TSPY2: variants seen among roughly 807,000 people sequenced by gnomAD.
TSPY2 encodes testis-specific Y-encoded protein 2.
Position 6,246,296 on chromosome Y carries a change from C to T in TSPY2, c.28C>T (p.Arg10Trp), listed in dbSNP as rs762333216. 6 of 393,576 alleles carry T rather than the reference C, an allele frequency of 1.5e-5. No individual in the cohort carries two copies. Among genetic ancestry groups the T allele is most frequent in the Admixed American group, 7.4e-5 (1 of 13,469 alleles). The stretch of plus-strand genomic sequence containing the variant: ...GCGCCCTGAGGGCTCGCTGACCTAC[C>T]GGGTGCCAGAGAGGCTGCGGCAGGG... MRPEGSLTY[R>W]VPERLRQGSC... The change falls in exon 1 of 6, where the codon CGG (arginine) becomes TGG (tryptophan). Residue 10 changes from arginine to tryptophan, a missense_variant. By Grantham distance (101) the Arg-to-Trp change is moderately radical. Transcript: ENST00000320701.
chrY:6,246,314 C>T lies in TSPY2; in HGVS notation c.46C>T (p.Arg16Trp), dbSNP rs2053860836. ...SLTYRVPERL[R>W]QGSCGVGRAA... ...GACCTACCGGGTGCCAGAGAGGCTGCGGCAGGGTTCCTGTGGCGTGGGTCG... is the reference window on the plus strand; with the variant it reads ...GACCTACCGGGTGCCAGAGAGGCTGTGGCAGGGTTCCTGTGGCGTGGGTCG... Residue 16 changes from arginine to tryptophan, a missense_variant, in exon 1 of 6, where the codon CGG (arginine) becomes TGG (tryptophan). Transcript: ENST00000320701. The T allele has an allele frequency of 2.5e-6, 1 of 393,219 alleles. No individual in the cohort carries two copies. The highest frequency in any genetic ancestry group is 3.0e-5 in the South Asian group (1 of 33,472).
Position 6,246,257 on chromosome Y carries a change from G to T in TSPY2, c.-12G>T. The T allele has an allele frequency of 2.5e-6, 1 of 392,392 alleles. No homozygotes were observed. ...CGCGCAGTCCCTTAGGGGGCGCCTGGAAGCCCGGCGCATGCGCCCTGAGGG... is the reference window on the plus strand; with the variant it reads ...CGCGCAGTCCCTTAGGGGGCGCCTGTAAGCCCGGCGCATGCGCCCTGAGGG... On this transcript the variant is annotated 5_prime_UTR_variant, in exon 1 of 6. Transcript: ENST00000320701.
intron 2 of TSPY2, 35 bp downstream of exon 2, chrY:6,247,468 C>CG (rs1197192701): frequency 2.6e-6 from 1 of 379,446 alleles, no homozygotes; most frequent in Non-Finnish European, 3.6e-6. Context: ...GAGGGTTTAG[C>CG]GGGGGAGGGT....
chrY:6,247,182 T>C, intron 1 of TSPY2, among the ~76,000 whole-genome samples, 174 bp from the exon 2 acceptor site: 1 of 12,735 alleles, frequency 7.9e-5, no homozygotes, highest in African/African-American at 3.3e-4. Context: ...CTCAGAATCA[T>C]ACACCCTCTG....
intron 1 of TSPY2, among the ~76,000 whole-genome samples, chrY:6,247,022 G>A: frequency 7.5e-5 from 1 of 13,300 alleles, no homozygotes; most frequent in Non-Finnish European, 1.6e-4. Flanking sequence ...AGGTTTTTCA[G>A]TGAATGAAGC....
In TSPY2 at chrY:6,246,256, G is replaced by A; in HGVS notation, c.-13G>A. 1 of 392,375 alleles carries A rather than the reference G, an allele frequency of 2.5e-6. No individual in the cohort carries two copies. Among genetic ancestry groups the A allele is most frequent in the Admixed American group, 7.5e-5 (1 of 13,272 alleles). ...GCGCGCAGTCCCTTAGGGGGCGCCTGGAAGCCCGGCGCATGCGCCCTGAGG... is the reference window on the plus strand; with the variant it reads ...GCGCGCAGTCCCTTAGGGGGCGCCTAGAAGCCCGGCGCATGCGCCCTGAGG... On this transcript the variant is annotated 5_prime_UTR_variant, in exon 1 of 6. Coordinates refer to ENST00000320701, the MANE Select transcript of TSPY2 (RefSeq NM_022573.4).
chrY:6,247,618 TAACCCC>T lies in TSPY2; in HGVS notation c.622_627del (p.Asn208_Pro209del). 1 of 394,074 alleles carries T rather than the reference TAACCCC, an allele frequency of 2.5e-6. No individual in the cohort carries two copies. The highest frequency in any genetic ancestry group is 9.2e-5 in the East Asian group (1 of 10,824). On this transcript the variant is annotated inframe_deletion, in exon 3 of 6. Transcript: ENST00000320701. The stretch of plus-strand genomic sequence containing the variant: ...GCAAGATCATGTTGTTCTTTCGGAG[TAACCCC>T]TACTTCCAGAATAAAGTGATTACCA...
At position 6,246,247 on chromosome Y, in the gene TSPY2, G is replaced by A; in HGVS notation, c.-22G>A. 1 of 392,160 alleles carries A rather than the reference G, an allele frequency of 2.5e-6. No homozygotes were observed. The highest frequency in any genetic ancestry group is 3.5e-6 in the Non-Finnish European group (1 of 282,357). On this transcript the variant is annotated 5_prime_UTR_variant, in exon 1 of 6. Transcript: ENST00000320701. ...CGGCTCTTCGCGCGCAGTCCCTTAG[G>A]GGGCGCCTGGAAGCCCGGCGCATGC... is the stretch of plus-strand genomic sequence containing the variant.
At chrY:6,247,222 C>G (rs415490) in intron 1 of TSPY2, 134 bp from the exon 2 acceptor site, 2 of 155,293 alleles carry the variant, frequency 1.3e-5, no homozygotes, top group Admixed American at 2.5e-4. Flanking sequence ...TTTACGGGGA[C>G]GGGGAGGCGA....
chrY:6,247,627 C>T lies in TSPY2; in HGVS notation c.630C>T (p.Tyr210=). ...KIMLFFRSNP[Y]FQNKVITKEY... ...TGTTGTTCTTTCGGAGTAACCCCTA[C>T]TTCCAGAATAAAGTGATTACCAAGG... The change falls in exon 3 of 6, where the codon TAC becomes TAT. Residue 210 remains tyrosine, a synonymous_variant. Transcript: ENST00000320701. 2.5e-6 allele frequency: 1 copy of T among 393,631 alleles called. No homozygotes were observed. The highest frequency in any genetic ancestry group is 9.2e-5 in the East Asian group (1 of 10,811).
chrY:6,247,268 C>T, intron 1 of TSPY2, 88 bp from the exon 2 acceptor site: 1 of 266,790 alleles, frequency 3.7e-6, no homozygotes, highest in Non-Finnish European at 5.8e-6. Flanking sequence ...CTGAGAAATC[C>T]CCTACCCCAG....
In TSPY2 at chrY:6,246,255, T is replaced by G; in HGVS notation, c.-14T>G. On this transcript the variant is annotated 5_prime_UTR_variant, in exon 1 of 6. Coordinates refer to ENST00000320701, the MANE Select transcript of TSPY2 (RefSeq NM_022573.4). ...CGCGCGCAGTCCCTTAGGGGGCGCC[T>G]GGAAGCCCGGCGCATGCGCCCTGAG... is the stretch of plus-strand genomic sequence containing the variant. The G allele has an allele frequency of 2.6e-6, 1 of 391,977 alleles. No homozygotes were observed. Among genetic ancestry groups the G allele is most frequent in the African/African-American group, 6.3e-5 (1 of 15,893 alleles).
In TSPY2 at chrY:6,246,281, G is replaced by A. The variant is rs769328393; in HGVS notation, c.13G>A (p.Gly5Ser). 2 of 393,549 alleles carry A rather than the reference G, an allele frequency of 5.1e-6. No homozygotes were observed. The highest frequency in any genetic ancestry group is 6.2e-5 in the African/African-American group (1 of 16,054). Residue 5 changes from glycine (G) to serine (S), a missense_variant, in exon 1 of 6, where the codon GGC (glycine) becomes AGC (serine). Coordinates refer to ENST00000320701, the MANE Select transcript of TSPY2 (RefSeq NM_022573.4). ...GGAAGCCCGGCGCATGCGCCCTGAG[G>A]GCTCGCTGACCTACCGGGTGCCAGA... MRPE[G>S]SLTYRVPERL...
chrY:6,247,286 G>T, intron 1 of TSPY2, 70 bp from the exon 2 acceptor site: 1 of 370,219 alleles, frequency 2.7e-6, no homozygotes, highest in Non-Finnish European at 3.8e-6. Context: ...CAGCCTCTGG[G>T]TGCTCTTAGG....
In TSPY2 at chrY:6,248,912, C is replaced by CT; in HGVS notation, c.*89dup. ...GCAGGACAGCAGTACTCAGCATGGT[C>CT]TTATGCACAGGAACTAAAGGAAAAA... On this transcript the variant is annotated 3_prime_UTR_variant, in exon 6 of 6. Transcript: ENST00000320701. The CT allele has an allele frequency of 2.6e-6, 1 of 378,263 alleles. No homozygotes were observed. Among genetic ancestry groups the CT allele is most frequent in the African/African-American group, 6.6e-5 (1 of 15,250 alleles). The allele number at this position is 378,263 out of a possible 400,897, so 94.4% of individuals were successfully genotyped here.
In TSPY2 at chrY:6,247,613, C is replaced by CT; in HGVS notation, c.616_617insT (p.Arg206LeufsTer3). Reference sequence around the variant, plus strand: ...TCTCTGCAAGATCATGTTGTTCTTTCGGAGTAACCCCTACTTCCAGAATAA... The same window carrying CT: ...TCTCTGCAAGATCATGTTGTTCTTTCTGGAGTAACCCCTACTTCCAGAATAA... On this transcript the variant is annotated frameshift_variant, in exon 3 of 6. Transcript: ENST00000320701. LOFTEE classifies it high-confidence loss of function. 1 of 394,361 alleles carries CT rather than the reference C, an allele frequency of 2.5e-6. No homozygotes were observed. Among genetic ancestry groups the CT allele is most frequent in the East Asian group, 9.2e-5 (1 of 10,838 alleles).
chrY:6,246,538 CCAGCGGGCACAGCA>C lies in TSPY2; in HGVS notation c.271_284del (p.Gln91GlyfsTer28). 3.0e-5 allele frequency: 8 copies of C among 264,290 alleles called. No homozygotes were observed. The highest frequency in any genetic ancestry group is 4.2e-5 in the Non-Finnish European group (8 of 190,578). 65.9% of individuals were successfully genotyped at this position (264,290 alleles called of 400,897 possible). On this transcript the variant is annotated frameshift_variant, in exon 1 of 6. Transcript: ENST00000320701. LOFTEE classifies it high-confidence loss of function. ...GCCTCGTGGAGCGGCGGGAGGAGGC[CCAGCGGGCACAGCA>C]GGCTGTGCCTGGCCCTGGGCCCATG...
At position 6,247,616 on chromosome Y, in the gene TSPY2, A is replaced by AT; in HGVS notation, c.619_620insT (p.Ser207MetfsTer2). The AT allele has an allele frequency of 2.5e-6, 1 of 394,295 alleles. No individual in the cohort carries two copies. The highest frequency in any genetic ancestry group is 9.2e-5 in the East Asian group (1 of 10,838). On this transcript the variant is annotated frameshift_variant, in exon 3 of 6. Coordinates refer to ENST00000320701, the MANE Select transcript of TSPY2 (RefSeq NM_022573.4). LOFTEE classifies it high-confidence loss of function. ...CTGCAAGATCATGTTGTTCTTTCGG[A>AT]GTAACCCCTACTTCCAGAATAAAGT... is the stretch of plus-strand genomic sequence containing the variant.
intron 1 of TSPY2, 95 bp from the exon 2 acceptor site, chrY:6,247,261 A>C: frequency 5.1e-6 from 1 of 196,351 alleles, no homozygotes; most frequent in East Asian, 1.1e-4. Context: ...AGCAGATCTG[A>C]GAAATCCCCT....
Sources: allele counts gnomAD v4.1 joint callset (sites outside exome capture counted in the v4.1 genomes callset), GRCh38; gene constraint gnomAD v4.1.1; transcripts MANE v1.5; gene names NCBI Gene and HGNC (gene_info 2026-07-23, HGNC 2026-07-21).